WHRN: variants seen among roughly 807,000 people sequenced by gnomAD.
The protein encoded by WHRN is whirlin, also known as CASK-interacting protein CIP98.
Under a neutral mutation model 68.3 loss-of-function variants are expected in WHRN, and 41 were observed. The observed-to-expected ratio is 0.60, with a 90% CI of 0.47 to 0.78. The LOEUF (loss-of-function observed/expected upper bound fraction) is 0.78, where lower values mean the gene tolerates loss of function less well. Among genes scored for constraint, WHRN ranks in the 30% least tolerant of loss-of-function variants. WHRN has a pLI of 0.00. For synonymous variants in WHRN, 560 were observed against 561.3 expected (o/e 1.00, Z 0.03); for missense variants, 1,243 against 1,244.7 (o/e 1.00, Z 0.02).
chr9:114,408,092 CA>C, intron 7 of WHRN, 74 bp from the exon 8 acceptor site: 1 of 1,285,008 alleles, frequency 7.8e-7, no homozygotes, highest in Non-Finnish European at 1.1e-6. Flanking sequence ...TCCAGCACAC[CA>C]AAATTGAGGA....
chr9:114,458,415 G>A (rs1475039866), intron 3 of WHRN, among the ~76,000 whole-genome samples: 9 of 152,120 alleles, frequency 5.9e-5, no homozygotes, highest in Admixed American at 2.0e-4. Flanking sequence ...GTATTTTTGC[G>A]GGCTTCATAT....
intron 3 of WHRN, among the ~76,000 whole-genome samples, chr9:114,434,759 T>A (rs1383685911): frequency 6.6e-6 from 1 of 152,104 alleles, no homozygotes; most frequent in East Asian, 1.9e-4. Flanking sequence ...GCCCGATACT[T>A]TCCTTATGTA....
intron 3 of WHRN, among the ~76,000 whole-genome samples, chr9:114,454,218 C>T (rs1458477621): frequency 6.6e-6 from 1 of 152,124 alleles, no homozygotes; most frequent in Non-Finnish European, 1.5e-5. Context: ...CAAAATTTTT[C>T]TCTCAACTGT....
Position 114,425,322 on chromosome 9 carries a change from G to A in WHRN, c.1167-298C>T. The A allele has an allele frequency of 8.2e-6, 5 of 609,670 alleles. No individual in the cohort carries two copies. In the East Asian group the frequency reaches 1.4e-4, roughly 17 times the overall value. 37.8% of individuals were successfully genotyped at this position (609,670 alleles called of 1,614,324 possible). ...AGGCAGGTAACACAAGGAGTGGAGG[G>A]AAGAAATGGTGATTGACAGGCAACC... is the stretch of plus-strand genomic sequence containing the variant. On this transcript the variant is annotated intron_variant, in intron 4 of 11. Transcript: ENST00000362057.
intron 7 of WHRN, among the ~76,000 whole-genome samples, chr9:114,411,116 C>T (rs890656353): frequency 2.9e-4 from 44 of 152,198 alleles, no homozygotes; most frequent in African/African-American, 1.0e-3. Flanking sequence ...GGAGGCCTTG[C>T]AATCTGCCCC....
At chr9:114,486,971 A>G (rs1399714393) in intron 1 of WHRN, among the ~76,000 whole-genome samples, 14 of 1,102 alleles carry the variant, frequency 0.013, no homozygotes, top group Admixed American at 0.022. Flanking sequence ...ATATATATAT[A>G]TATATATATA....
intron 1 of WHRN, 108 bp from the exon 2 acceptor site, chr9:114,478,879 G>A: frequency 1.9e-6 from 2 of 1,034,542 alleles, no homozygotes. Flanking sequence ...CCACATGGAA[G>A]AAGAGGCCAG....
intron 1 of WHRN, among the ~76,000 whole-genome samples, chr9:114,502,385 G>A (rs1844004883): frequency 1.3e-5 from 2 of 152,186 alleles, no homozygotes; most frequent in Non-Finnish European, 2.9e-5. Context: ...CTATGACATG[G>A]AGAGTTTAGG....
At chr9:114,441,131 G>A (rs1192437494) in intron 3 of WHRN, among the ~76,000 whole-genome samples, 4 of 152,134 alleles carry the variant, frequency 2.6e-5, no homozygotes, top group African/African-American at 7.2e-5. Flanking sequence ...TCTTCCTTAT[G>A]ATTGTCTTCA....
intron 1 of WHRN, among the ~76,000 whole-genome samples, chr9:114,492,345 C>T (rs1231802177): frequency 6.6e-6 from 1 of 152,068 alleles, no homozygotes; most frequent in Non-Finnish European, 1.5e-5. Flanking sequence ...TCTAAAGCAG[C>T]AATATGGATA....
At chr9:114,472,007 C>T (rs1485245362) in intron 2 of WHRN, among the ~76,000 whole-genome samples, 3 of 152,180 alleles carry the variant, frequency 2.0e-5, no homozygotes, top group Admixed American at 6.5e-5. Context: ...AACCAGAGCT[C>T]GGGCTGCCCA....
chr9:114,411,813 AC>A (rs1835458659), intron 7 of WHRN, among the ~76,000 whole-genome samples: 1 of 152,160 alleles, frequency 6.6e-6, no homozygotes, highest in Non-Finnish European at 1.5e-5. Context: ...AGGTCATCTG[AC>A]CGTTCTACAG....
chr9:114,420,858 C>T (rs1836222685), intron 7 of WHRN, among the ~76,000 whole-genome samples: 2 of 152,084 alleles, frequency 1.3e-5, no homozygotes, highest in Admixed American at 1.3e-4. Context: ...TTAATCCTCC[C>T]AACAAGCTGG....
chr9:114,463,653 C>G (rs1840427501), intron 3 of WHRN, among the ~76,000 whole-genome samples: 1 of 152,192 alleles, frequency 6.6e-6, no homozygotes, highest in Non-Finnish European at 1.5e-5. Flanking sequence ...TAAACAGGAA[C>G]TCTCGGCAAC....
At chr9:114,410,006 T>C (rs533823377) in intron 7 of WHRN, among the ~76,000 whole-genome samples, 1 of 152,124 alleles carries the variant, frequency 6.6e-6, no homozygotes, top group African/African-American at 2.4e-5. Flanking sequence ...ACCGGGCCCT[T>C]TCCTGCTACT....
chr9:114,478,362 T>A, intron 2 of WHRN, 191 bp downstream of exon 2: 1 of 727,618 alleles, frequency 1.4e-6, no homozygotes, highest in East Asian at 2.7e-5. Flanking sequence ...TTAGCCTGTA[T>A]TATAACATAC....
At position 114,476,687 on chromosome 9, in the gene WHRN, C is replaced by T. The variant is rs60682161; in HGVS notation, c.837+1866G>A. ...CAGGGCCCCAGTGCTCTTGTCCACT[C>T]CCATAACATCGTCAAGCACCCAGGT... On this transcript the variant is annotated intron_variant, in intron 2 of 11. Coordinates refer to ENST00000362057, the MANE Select transcript of WHRN (RefSeq NM_015404.4). 4.4e-3 allele frequency among the ~76,000 whole-genome samples: 668 copies of T among 152,252 alleles called. 10 individuals are homozygous for T. The East Asian group carries it at 0.055, about 13-fold the overall frequency.
intron 3 of WHRN, among the ~76,000 whole-genome samples, chr9:114,457,830 C>T (rs532563408): frequency 2.6e-5 from 4 of 151,160 alleles, no homozygotes; most frequent in Non-Finnish European, 2.9e-5. Context: ...GCAGGAGGAT[C>T]GCTTGAACCC....
At chr9:114,425,093 G>C in intron 4 of WHRN, 69 bp from the exon 5 acceptor site, 1 of 1,495,148 alleles carries the variant, frequency 6.7e-7, no homozygotes, top group Non-Finnish European at 9.3e-7. Flanking sequence ...CAAGGGACAG[G>C]GTGACTTGGG....
Sources: allele counts gnomAD v4.1 joint callset (sites outside exome capture counted in the v4.1 genomes callset), GRCh38; gene constraint gnomAD v4.1.1; transcripts MANE v1.5; gene names NCBI Gene and HGNC (gene_info 2026-07-23, HGNC 2026-07-21).